COL14A1: variants seen among roughly 807,000 people sequenced by gnomAD.
COL14A1 encodes collagen alpha-1(XIV) chain.
Under a neutral mutation model 230.3 loss-of-function variants are expected in COL14A1, and 136 were observed. That is an observed-to-expected ratio of 0.59 (90% confidence interval 0.51 to 0.68). COL14A1 has a LOEUF of 0.68. Among genes scored for constraint, COL14A1 ranks in the 30% least tolerant of loss-of-function variants. The pLI is 0.00. For missense variants in COL14A1, 1,976 were observed against 2,215.8 expected, an observed-to-expected ratio of 0.89 and a Z score of 2.17; for synonymous variants, 792 against 784.1, an observed-to-expected ratio of 1.01 and a Z score of -0.17.
intron 41 of COL14A1, 95 bp from the exon 42 acceptor site, chr8:120,332,569 A>T: frequency 1.0e-6 from 1 of 991,838 alleles, no homozygotes. Flanking sequence ...GGAAGCTATC[A>T]TGGTGTGTAT....
chr8:120,128,220 T>A (rs60428931), intron 1 of COL14A1, among the ~76,000 whole-genome samples: 1 of 122,856 alleles, frequency 8.1e-6, no homozygotes, highest in African/African-American at 3.3e-5. Flanking sequence ...TGTGTGTGTG[T>A]GCGCGCGCGT....
intron 2 of COL14A1, among the ~76,000 whole-genome samples, chr8:120,157,274 T>C (rs187316019): frequency 7.4e-4 from 113 of 152,328 alleles, no homozygotes; most frequent in African/African-American, 2.6e-3. Context: ...TTATAAAACA[T>C]AATTATTTTA....
At chr8:120,232,955 G>T (rs548670221) in intron 19 of COL14A1, among the ~76,000 whole-genome samples, 1 of 151,916 alleles carries the variant, frequency 6.6e-6, no homozygotes, top group Non-Finnish European at 1.5e-5. Context: ...AATGATTGCC[G>T]TTCTAACTGG....
In COL14A1 at chr8:120,331,667, G is replaced by A. The variant is rs150281041; in HGVS notation, c.4660-474G>A. On this transcript the variant is annotated intron_variant, in intron 40 of 47. Coordinates refer to ENST00000297848, the MANE Select transcript of COL14A1 (RefSeq NM_021110.4). The stretch of plus-strand genomic sequence containing the variant: ...AGTCAAAGCTCAATCATTGCCACAC[G>A]AAATCCTCCCAAATCTCCTCCAGCT... Among the ~76,000 whole-genome samples, 440 of 152,162 alleles carry A rather than the reference G, an allele frequency of 2.9e-3. 2 individuals are homozygous for A. The highest frequency in any genetic ancestry group is 0.014 in the East Asian group (72 of 5,174).
chr8:120,128,782 C>T, intron 1 of COL14A1, among the ~76,000 whole-genome samples: 1 of 152,106 alleles, frequency 6.6e-6, no homozygotes, highest in East Asian at 1.9e-4. Context: ...GGGCCTTTGT[C>T]GGAGCTACCC....
chr8:120,224,398 C>A (rs1416544494), intron 14 of COL14A1, among the ~76,000 whole-genome samples: 2 of 152,164 alleles, frequency 1.3e-5, no homozygotes, highest in African/African-American at 4.8e-5. Flanking sequence ...AATCCTAGGG[C>A]TCAGAGTACT....
At chr8:120,215,374 G>A (rs1366260195) in intron 13 of COL14A1, among the ~76,000 whole-genome samples, 1 of 150,126 alleles carries the variant, frequency 6.7e-6, no homozygotes, top group Non-Finnish European at 1.5e-5. Context: ...CTGTCAGAAA[G>A]AAAGAAAGAA....
chr8:120,159,155 C>G (rs775686423), intron 3 of COL14A1, among the ~76,000 whole-genome samples: 26 of 152,184 alleles, frequency 1.7e-4, no homozygotes, highest in Non-Finnish European at 2.6e-4. Context: ...ATTGGCATTA[C>G]CTGAGAGCTT....
At chr8:120,186,066 C>A (rs28687454) in intron 5 of COL14A1, among the ~76,000 whole-genome samples, 1,966 of 152,302 alleles carry the variant, frequency 0.013, 40 homozygotes, top group African/African-American at 0.044. Context: ...AGCCACCACG[C>A]CCTGCTCTCA....
chr8:120,144,373 A>G (rs1805506211), intron 1 of COL14A1, among the ~76,000 whole-genome samples: 1 of 152,186 alleles, frequency 6.6e-6, no homozygotes, highest in Non-Finnish European at 1.5e-5. Flanking sequence ...GGTATGAATT[A>G]TTTCTATATT....
chr8:120,355,999 C>G (rs147058350), intron 45 of COL14A1, among the ~76,000 whole-genome samples: 1 of 152,124 alleles, frequency 6.6e-6, no homozygotes, highest in Non-Finnish European at 1.5e-5. Flanking sequence ...CCAAGTGTTG[C>G]GCTCAGTCCT....
At chr8:120,270,307 C>G in intron 26 of COL14A1, 133 bp downstream of exon 26, 2 of 929,534 alleles carry the variant, frequency 2.2e-6, no homozygotes. Context: ...AAAGGATAGA[C>G]AGGTATGTGT....
At chr8:120,343,051 G>A (rs1822366852) in intron 44 of COL14A1, among the ~76,000 whole-genome samples, 1 of 152,072 alleles carries the variant, frequency 6.6e-6, no homozygotes, top group African/African-American at 2.4e-5. Context: ...AACTTGATAT[G>A]ACGCCTGTCC....
intron 12 of COL14A1, among the ~76,000 whole-genome samples, 184 bp downstream of exon 12, chr8:120,210,085 G>A (rs986438124): frequency 3.3e-5 from 5 of 151,608 alleles, no homozygotes; most frequent in African/African-American, 7.3e-5. Context: ...AGTCTTTGTC[G>A]ATGCATTTTG....
chr8:120,313,181 G>C (rs1018329693), intron 37 of COL14A1, among the ~76,000 whole-genome samples: 1 of 152,110 alleles, frequency 6.6e-6, no homozygotes, highest in African/African-American at 2.4e-5. Flanking sequence ...CCAACATGGT[G>C]AAACCCCATC....
Position 120,270,190 on chromosome 8 carries a change from A to T in COL14A1, c.3213+16A>T, listed in dbSNP as rs1439040523. 1 of 1,603,380 alleles carries T rather than the reference A, an allele frequency of 6.2e-7. No homozygotes were observed. The highest frequency in any genetic ancestry group is 8.5e-7 in the Non-Finnish European group (1 of 1,174,386). Reference sequence around the variant, plus strand: ...TGGAACCCAAGTAAGGCTAATAAATAATTAATTCATTCTATGTATTTAGAA... The same window carrying T: ...TGGAACCCAAGTAAGGCTAATAAATTATTAATTCATTCTATGTATTTAGAA... On this transcript the variant is annotated intron_variant, in intron 26 of 47. Transcript: ENST00000297848.
chr8:120,325,475 CTGTTTGTTTGTTTGTT>C (rs34330810), intron 40 of COL14A1, among the ~76,000 whole-genome samples: 4 of 150,632 alleles, frequency 2.7e-5, no homozygotes, highest in African/African-American at 7.3e-5. Context: ...AAGTGTTCTG[CTGTTTGTTTGTTTGTT>C]TGTTTGTTTG....
Position 120,205,636 on chromosome 8 carries a change from C to T in COL14A1, c.1040-1307C>T, listed in dbSNP as rs959066713. On this transcript the variant is annotated intron_variant, in intron 9 of 47. Transcript: ENST00000297848. ...ACATGTCCTTCTCTCTATCATCATT[C>T]CCCTTTCCCCAGGCTAGATCTTGTG... is the stretch of plus-strand genomic sequence containing the variant. 2.0e-5 allele frequency among the ~76,000 whole-genome samples: 3 copies of T among 152,210 alleles called. No individual in the cohort carries two copies. In the East Asian group the frequency reaches 5.8e-4, roughly 29 times the overall value.
intron 5 of COL14A1, among the ~76,000 whole-genome samples, chr8:120,185,912 A>G (rs1279967433): frequency 6.6e-6 from 1 of 152,104 alleles, no homozygotes; most frequent in African/African-American, 2.4e-5. Context: ...AGCTGGGGTT[A>G]CTGACGCCTG....
Sources: allele counts gnomAD v4.1 joint callset (sites outside exome capture counted in the v4.1 genomes callset), GRCh38; gene constraint gnomAD v4.1.1; transcripts MANE v1.5; gene names NCBI Gene and HGNC (gene_info 2026-07-23, HGNC 2026-07-21).